The following NDUFS4 variants were observed in gnomAD, a reference collection of about 807,000 sequenced individuals.
NDUFS4 encodes NADH:ubiquinone oxidoreductase subunit S4.
A neutral mutation model predicts 24.3 loss-of-function variants in NDUFS4; 28 were observed. The observed-to-expected ratio is 1.15, with a 90% CI of 0.85 to 1.58. The LOEUF is 1.58. Among genes scored for constraint, NDUFS4 ranks in the 40% most tolerant of loss-of-function variants. NDUFS4 has a pLI of 0.00. For missense variants in NDUFS4, 223 were observed against 207.9 expected (o/e 1.07, Z -0.45); for synonymous variants, 93 against 69.7 (o/e 1.34, Z -1.67).
chr5:53,625,493 G>C (rs1442418085), intron 2 of NDUFS4, among the ~76,000 whole-genome samples: 1 of 151,966 alleles, frequency 6.6e-6, no homozygotes, highest in African/African-American at 2.4e-5. Context: ...CACTTATATT[G>C]TACTGCTTAA....
At chr5:53,681,377 ATTG>A (rs1740658762) in intron 4 of NDUFS4, among the ~76,000 whole-genome samples, 2 of 152,120 alleles carry the variant, frequency 1.3e-5, no homozygotes, top group Admixed American at 6.6e-5. Context: ...TCAATAAATG[ATTG>A]TTAAGTCAGG....
rs59403372 is a variant in NDUFS4 at position 53,635,187 on chromosome 5, T to TTAAATAAATAAATAAA, written c.178-11034_178-11019dup. Among the ~76,000 whole-genome samples the TTAAATAAATAAATAAA allele has an allele frequency of 2.9e-3, 441 of 149,540 alleles. 2 individuals are homozygous for TTAAATAAATAAATAAA. The highest frequency in any genetic ancestry group is 9.8e-3 in the African/African-American group (394 of 40,184). On this transcript the variant is annotated intron_variant, in intron 2 of 4. Coordinates refer to ENST00000296684, the MANE Select transcript of NDUFS4 (RefSeq NM_002495.4). ...ACTGGGCAACAGAGCAAAAACTCTG[T>TTAAATAAATAAATAAA]TAAATAAATAAATAAATAAATAAAT...
intron 2 of NDUFS4, chr5:53,604,832 C>T (rs1444920631): frequency 1.1e-5 from 5 of 456,242 alleles, no homozygotes; most frequent in South Asian, 3.1e-5. Flanking sequence ...GTTCACTCTA[C>T]CTGGATGCAT....
At chr5:53,658,322 C>T (rs1270672311) in intron 3 of NDUFS4, among the ~76,000 whole-genome samples, 4 of 152,066 alleles carry the variant, frequency 2.6e-5, no homozygotes, top group Admixed American at 1.3e-4. Flanking sequence ...ACTAACAATG[C>T]CTTTGCAATT....
intron 3 of NDUFS4, among the ~76,000 whole-genome samples, chr5:53,656,031 C>T (rs1752153362): frequency 6.6e-6 from 1 of 152,050 alleles, no homozygotes; most frequent in South Asian, 2.1e-4. Flanking sequence ...TCCAGCTGCT[C>T]TGGCAATCCT....
intron 2 of NDUFS4, among the ~76,000 whole-genome samples, chr5:53,628,124 A>G (rs1481965180): frequency 6.6e-6 from 1 of 152,216 alleles, no homozygotes; most frequent in East Asian, 1.9e-4. Flanking sequence ...CCTTTTCTGC[A>G]TCTATTGAGA....
chr5:53,634,989 A>G (rs1285054181), intron 2 of NDUFS4, among the ~76,000 whole-genome samples: 1 of 152,010 alleles, frequency 6.6e-6, no homozygotes, highest in Non-Finnish European at 1.5e-5. Context: ...CAAGCGTTCG[A>G]GACCAGCCTG....
intron 4 of NDUFS4, among the ~76,000 whole-genome samples, chr5:53,665,233 A>C (rs1383860656): frequency 6.6e-6 from 1 of 152,058 alleles, no homozygotes; most frequent in Non-Finnish European, 1.5e-5. Flanking sequence ...TGTCAGTCTG[A>C]CCCTACTGGG....
In NDUFS4 at chr5:53,621,690, ATTTTTTTTTTTTTT is replaced by A. The variant is rs58169759; in HGVS notation, c.177+18176_177+18189del. Among the ~76,000 whole-genome samples, 22 of 81,562 alleles carry A rather than the reference ATTTTTTTTTTTTTT, an allele frequency of 2.7e-4. No homozygotes were observed. In the East Asian group the frequency reaches 9.4e-3, roughly 35 times the overall value. The allele number at this position is 81,562 out of a possible 152,430, so 53.5% of individuals were successfully genotyped here. Reference sequence around the variant, plus strand: ...ATATTTGTTATAAACCTCATAGTAAATTTTTTTTTTTTTTTTTTTTTTTTTTTTTGAGACGGAGT... The same window carrying A: ...ATATTTGTTATAAACCTCATAGTAAATTTTTTTTTTTTTTTGAGACGGAGT... On this transcript the variant is annotated intron_variant, in intron 2 of 4. Transcript: ENST00000296684.
intron 1 of NDUFS4, 109 bp from the exon 2 acceptor site, chr5:53,603,343 T>A (rs1750387964): frequency 4.1e-6 from 3 of 738,452 alleles, no homozygotes; most frequent in Non-Finnish European, 6.6e-6. Flanking sequence ...TTCCTTTTTT[T>A]TTTTTTTTAA....
intron 2 of NDUFS4, among the ~76,000 whole-genome samples, chr5:53,612,136 A>T (rs1036979847): frequency 1.3e-5 from 2 of 152,114 alleles, no homozygotes; most frequent in Non-Finnish European, 2.9e-5. Flanking sequence ...TTAATAGTTT[A>T]GACATTACAT....
chr5:53,602,651 T>C (rs1276120457), intron 1 of NDUFS4, among the ~76,000 whole-genome samples: 1 of 152,182 alleles, frequency 6.6e-6, no homozygotes, highest in Non-Finnish European at 1.5e-5. Context: ...AAATGCCATA[T>C]ATTTGGGGTG....
chr5:53,607,050 G>T (rs923567585), intron 2 of NDUFS4, among the ~76,000 whole-genome samples: 5 of 152,134 alleles, frequency 3.3e-5, no homozygotes, highest in Non-Finnish European at 5.9e-5. Context: ...TTTACCTGCA[G>T]TTGATTTAAT....
At chr5:53,569,163 C>T (rs903219669) in intron 1 of NDUFS4, among the ~76,000 whole-genome samples, 2 of 152,100 alleles carry the variant, frequency 1.3e-5, no homozygotes, top group African/African-American at 4.8e-5. Context: ...CAAGTGATCT[C>T]TTCAATATAC....
At position 53,646,633 on chromosome 5, in the gene NDUFS4, C is replaced by T. The variant is rs31302; in HGVS notation, c.350+228C>T. On this transcript the variant is annotated intron_variant, in intron 3 of 4. Coordinates refer to ENST00000296684, the MANE Select transcript of NDUFS4 (RefSeq NM_002495.4). ...ATAGTCTTTTTCAGAGTACTACTTA[C>T]TAGATAAAAATGACTGAATTTCAGA... Among the ~76,000 whole-genome samples, 104,978 of 151,894 alleles carry T rather than the reference C, an allele frequency of 0.69. 36,776 individuals are homozygous for T. Among genetic ancestry groups the T allele is most frequent in the African/African-American group, 0.79 (32,926 of 41,440 alleles).
intron 4 of NDUFS4, among the ~76,000 whole-genome samples, chr5:53,661,608 C>T (rs889107776): frequency 4.6e-5 from 7 of 152,212 alleles, no homozygotes; most frequent in South Asian, 4.1e-4. Flanking sequence ...GCCATTTTCA[C>T]GATATTGATT....
rs148221549 is a variant in NDUFS4, at chr5:53,683,173, T to A, written c.480T>A (p.Tyr160Ter). ...RKVPKPKSKS[Y>*]GANFSWNKRT... ...TTCCAAAACCCAAGTCCAAGTCTTA[T>A]GGTGCAAACTTTTCTTGGAACAAAA... The change falls in exon 5 of 5, where the codon TAT becomes TAA. Residue 160 changes from tyrosine to a stop codon, truncating the protein, a stop_gained. Coordinates refer to ENST00000296684, the MANE Select transcript of NDUFS4 (RefSeq NM_002495.4). LOFTEE classifies it high-confidence loss of function. 2 of 1,612,632 alleles carry A rather than the reference T, an allele frequency of 1.2e-6. No individual in the cohort carries two copies. The highest frequency in any genetic ancestry group is 2.2e-5 in the South Asian group (2 of 91,042).
Position 53,568,383 on chromosome 5 carries a change from TA to T in NDUFS4, c.98+7632del, listed in dbSNP as rs914725510. Among the ~76,000 whole-genome samples, 34 of 151,468 alleles carry T rather than the reference TA, an allele frequency of 2.2e-4. No individual in the cohort carries two copies. In the East Asian group the frequency reaches 3.7e-3, roughly 16 times the overall value. ...TGGGAAGCTAGGGCTGAAAACGGAT[TA>T]AAAAAAAAGTTTCCATATTATATCT... On this transcript the variant is annotated intron_variant, in intron 1 of 4. Coordinates refer to ENST00000296684, the MANE Select transcript of NDUFS4 (RefSeq NM_002495.4).
At chr5:53,679,538 TC>T (rs936265098) in intron 4 of NDUFS4, among the ~76,000 whole-genome samples, 2 of 152,128 alleles carry the variant, frequency 1.3e-5, no homozygotes, top group Non-Finnish European at 2.9e-5. Context: ...AAAACTTCAT[TC>T]TTCTCACATT....
Sources: gnomAD v4.1 joint callset for allele counts (sites outside exome capture counted in the v4.1 genomes callset) on GRCh38, gnomAD v4.1.1 for gene constraint, MANE v1.5 for transcripts, NCBI Gene and HGNC (gene_info 2026-07-23, HGNC 2026-07-21) for gene names.